Variants in PTPRG observed in about 807,000 individuals in gnomAD.
PTPRG encodes protein tyrosine phosphatase receptor type G, also known as receptor-type tyrosine-protein phosphatase gamma.
A neutral mutation model predicts 165.3 loss-of-function variants in PTPRG; 102 were observed. The ratio of observed to expected loss-of-function variants is 0.62; its 90% CI spans 0.53 to 0.73. The LOEUF is 0.73. Ranked by LOEUF, PTPRG falls within the 30% of genes least tolerant of loss-of-function variation. The probability of loss-of-function intolerance (pLI) is 0.00; values close to 1 mark genes in which losing one functional copy is unlikely to be tolerated. For missense variants in PTPRG, 1,866 were observed against 1,861.4 expected (o/e 1.00, Z -0.05); for synonymous variants, 675 against 669.5 (o/e 1.01, Z -0.13).
intron 2 of PTPRG, among the ~76,000 whole-genome samples, chr3:61,864,182 C>A (rs563052845): frequency 3.5e-4 from 54 of 152,280 alleles, no homozygotes; most frequent in African/African-American, 1.2e-3. Context: ...TTGAACCTGT[C>A]ATGGATAATT....
chr3:62,104,490 A>G (rs140532277), intron 5 of PTPRG, among the ~76,000 whole-genome samples: 1,859 of 152,278 alleles, frequency 0.012, 14 homozygotes, highest in Middle Eastern at 0.051. Flanking sequence ...TCTCTGGATA[A>G]TTATCTTGAC....
intron 2 of PTPRG, among the ~76,000 whole-genome samples, chr3:61,794,479 C>T (rs1036464132): frequency 6.6e-6 from 1 of 152,200 alleles, no homozygotes; most frequent in African/African-American, 2.4e-5. Flanking sequence ...ACATACCGCC[C>T]ATGCCTTCCG....
At chr3:62,192,496 C>T (rs1699861752) in intron 9 of PTPRG, among the ~76,000 whole-genome samples, 1 of 148,840 alleles carries the variant, frequency 6.7e-6, no homozygotes, top group African/African-American at 2.5e-5. Flanking sequence ...GCAAGCTCCA[C>T]CTCCCGGGTT....
chr3:61,891,249 C>T (rs367693343), intron 2 of PTPRG, among the ~76,000 whole-genome samples: 1 of 151,934 alleles, frequency 6.6e-6, no homozygotes, highest in Non-Finnish European at 1.5e-5. Flanking sequence ...ATCAGGGAGG[C>T]GTACCATTGC....
chr3:61,594,271 G>A (rs565324447), intron 1 of PTPRG, among the ~76,000 whole-genome samples: 9 of 152,056 alleles, frequency 5.9e-5, no homozygotes, highest in Admixed American at 3.9e-4. Flanking sequence ...GGAGGGCGCC[G>A]GGTGGATTAC....
At chr3:61,933,014 A>G (rs1240549510) in intron 2 of PTPRG, among the ~76,000 whole-genome samples, 4 of 152,326 alleles carry the variant, frequency 2.6e-5, no homozygotes, top group Middle Eastern at 3.4e-3. Flanking sequence ...TGAAACCCAT[A>G]TGGCTGAGAA....
At chr3:62,285,158 C>T (rs1009891453) in intron 28 of PTPRG, among the ~76,000 whole-genome samples, 3 of 152,056 alleles carry the variant, frequency 2.0e-5, no homozygotes, top group Admixed American at 6.6e-5. Flanking sequence ...CAGTCTCCAC[C>T]GGGGGAAACC....
rs761871013 is a variant in PTPRG at position 61,651,134 on chromosome 3, C to CTT, written c.85+88775_85+88776dup. Among the ~76,000 whole-genome samples, 58 of 141,560 alleles carry CTT rather than the reference C, an allele frequency of 4.1e-4. 1 individual carries two copies. The highest frequency in any genetic ancestry group is 1.3e-3 in the African/African-American group (52 of 38,696). 92.9% of individuals were successfully genotyped at this position (141,560 alleles called of 152,430 possible). A position where few individuals can be genotyped will look rare whatever the true frequency, so the allele number is the denominator to read the frequency against. On this transcript the variant is annotated intron_variant, in intron 1 of 29. Transcript: ENST00000474889. ...CACGATGTATTTGGACACTCTTTCT[C>CTT]TTTTTTTTTTTTTTAAAGGAAAAAC...
In PTPRG at chr3:62,165,961, C is replaced by G. The variant is rs529236458; in HGVS notation, c.841-2010C>G. On this transcript the variant is annotated intron_variant, in intron 7 of 29. Transcript: ENST00000474889. ...TGCAGAAACCCAGAGAGTGATTTCC[C>G]TTTTTTATTTTCCACATTAGTATTA... Among the ~76,000 whole-genome samples, 7 of 152,100 alleles carry G rather than the reference C, an allele frequency of 4.6e-5. No individual in the cohort carries two copies. The South Asian group carries it at 1.5e-3, about 32-fold the overall frequency.
rs115227896 is a variant in PTPRG at position 61,828,665 on chromosome 3, G to A, written c.190+79683G>A. Among the ~76,000 whole-genome samples the A allele has an allele frequency of 3.9e-3, 594 of 152,272 alleles. 5 individuals are homozygous for A. The highest frequency in any genetic ancestry group is 0.013 in the African/African-American group (552 of 41,544). On this transcript the variant is annotated intron_variant, in intron 2 of 29. Coordinates refer to ENST00000474889, the MANE Select transcript of PTPRG (RefSeq NM_002841.4). ...GGAGTGACTACACATGGTTGGCGTC[G>A]GATGCATTGGAAAGGCTTCAGATAG...
chr3:62,264,565 G>C (rs1230328701), intron 17 of PTPRG, among the ~76,000 whole-genome samples: 2 of 151,906 alleles, frequency 1.3e-5, no homozygotes, highest in Non-Finnish European at 2.9e-5. Context: ...TTTGTGTCTG[G>C]CTTCTTTAAT....
chr3:61,864,844 A>C (rs2037362612), intron 2 of PTPRG, among the ~76,000 whole-genome samples: 1 of 152,160 alleles, frequency 6.6e-6, no homozygotes, highest in South Asian at 2.1e-4. Context: ...CTGTTCTCTC[A>C]TTCTTCCCAG....
At chr3:61,696,086 T>C (rs993187719) in intron 1 of PTPRG, among the ~76,000 whole-genome samples, 6 of 152,202 alleles carry the variant, frequency 3.9e-5, no homozygotes, top group African/African-American at 1.2e-4. Flanking sequence ...GGTGTTGTTA[T>C]GAGAACAAAC....
chr3:61,964,694 A>T (rs959629136), intron 2 of PTPRG, among the ~76,000 whole-genome samples: 3 of 151,938 alleles, frequency 2.0e-5, no homozygotes, highest in African/African-American at 7.3e-5. Flanking sequence ...ACTCTTTATT[A>T]TAGTTCCTTT....
intron 2 of PTPRG, among the ~76,000 whole-genome samples, chr3:61,887,170 A>ATATATATTTTTTTTTT (rs60282456): frequency 7.8e-5 from 9 of 115,528 alleles, no homozygotes; most frequent in African/African-American, 2.9e-4. Flanking sequence ...ATATATATAT[A>ATATATATTTTTTTTTT]TTTTTAATGC....
intron 1 of PTPRG, among the ~76,000 whole-genome samples, chr3:61,734,252 T>C (rs906011414): frequency 6.6e-6 from 1 of 152,198 alleles, no homozygotes; most frequent in Non-Finnish European, 1.5e-5. Flanking sequence ...ATTTCTGAAA[T>C]ACCTAAAATC....
intron 2 of PTPRG, among the ~76,000 whole-genome samples, chr3:61,936,020 A>G (rs1031123249): frequency 6.6e-6 from 1 of 152,144 alleles, no homozygotes; most frequent in African/African-American, 2.4e-5. Flanking sequence ...AAAAGAGATT[A>G]AAGTTGAATG....
At chr3:61,949,740 T>A (rs34161955) in intron 2 of PTPRG, among the ~76,000 whole-genome samples, 1 of 116,758 alleles carries the variant, frequency 8.6e-6, no homozygotes, top group African/African-American at 3.8e-5. Context: ...TTTTTTTTTT[T>A]TTTGTTTGTT....
chr3:61,682,387 G>A (rs1178234624), intron 1 of PTPRG, among the ~76,000 whole-genome samples: 1 of 152,178 alleles, frequency 6.6e-6, no homozygotes, highest in African/African-American at 2.4e-5. Context: ...GAATAAATAT[G>A]TGCATAGAGA....
Sources: allele counts gnomAD v4.1 joint callset (sites outside exome capture counted in the v4.1 genomes callset), GRCh38; gene constraint gnomAD v4.1.1; transcripts MANE v1.5; gene names NCBI Gene and HGNC (gene_info 2026-07-23, HGNC 2026-07-21).